PPP1R37: variants seen among roughly 807,000 people sequenced by gnomAD.
The protein encoded by PPP1R37 is protein phosphatase 1 regulatory subunit 37, also known as leucine rich repeat containing 68.
PPP1R37 carries 21 observed loss-of-function variants against 61.0 expected under a neutral mutation model. That is an observed-to-expected ratio of 0.34 (90% CI 0.24 to 0.50). PPP1R37 has a LOEUF of 0.50. PPP1R37 is among the 20% of genes least tolerant of loss of function. The pLI is 0.98. For missense variants in PPP1R37, 910 were observed against 952.7 expected (o/e 0.96, Z 0.59); for synonymous variants, 443 against 433.5 (o/e 1.02, Z -0.27).
At chr19:45,106,401 C>A (rs1178577783) in intron 1 of PPP1R37, among the ~76,000 whole-genome samples, 1 of 152,088 alleles carries the variant, frequency 6.6e-6, no homozygotes, top group Non-Finnish European at 1.5e-5. Context: ...GCCACCATGC[C>A]CAGCTAATTT....
chr19:45,104,403 C>T (rs930893041), intron 1 of PPP1R37, among the ~76,000 whole-genome samples: 3 of 152,182 alleles, frequency 2.0e-5, no homozygotes, highest in Non-Finnish European at 2.9e-5. Flanking sequence ...TGCCGCAAAG[C>T]CTTTGTAACC....
Position 45,130,940 on chromosome 19 carries a change from A to T in PPP1R37, c.203-7574A>T, listed in dbSNP as rs1360667025. 6.6e-6 allele frequency among the ~76,000 whole-genome samples: 1 copy of T among 151,332 alleles called. No homozygotes were observed. The highest frequency in any genetic ancestry group is 2.4e-5 in the African/African-American group (1 of 41,146). On this transcript the variant is annotated intron_variant, in intron 1 of 12. Transcript: ENST00000221462. This position sits in a 1 kb window ranked among gnomAD's most constrained non-coding sequence, Gnocchi z 4.4. ...CCTCCCACTGTGTCCCCCAGCCCGC[A>T]CAGTGTTGCTTCCTGGTGTTTTGAC... is the stretch of plus-strand genomic sequence containing the variant.
At position 45,111,859 on chromosome 19, in the gene PPP1R37, T is replaced by C. The variant is rs539238848; in HGVS notation, c.202+18332T>C. 6.6e-5 allele frequency among the ~76,000 whole-genome samples: 10 copies of C among 152,228 alleles called. No individual in the cohort carries two copies. In the South Asian group the frequency reaches 2.1e-3, roughly 32 times the overall value. On this transcript the variant is annotated intron_variant, in intron 1 of 12. Coordinates refer to ENST00000221462, the MANE Select transcript of PPP1R37 (RefSeq NM_019121.2). Reference sequence around the variant, plus strand: ...GTCATCAGGTGGCCTTTTTAAAAGTTTTATCAACCATGTCTGCATGCTGAA... The same window carrying C: ...GTCATCAGGTGGCCTTTTTAAAAGTCTTATCAACCATGTCTGCATGCTGAA...
At chr19:45,128,613 G>A (rs758662738) in intron 1 of PPP1R37, 3 of 1,264,522 alleles carry the variant, frequency 2.4e-6, no homozygotes, top group South Asian at 2.4e-5. Context: ...AGGGGCCTCG[G>A]CCTCCTTCCC....
chr19:45,097,539 C>T (rs978626236), intron 1 of PPP1R37, among the ~76,000 whole-genome samples: 1 of 151,740 alleles, frequency 6.6e-6, no homozygotes, highest in South Asian at 2.1e-4. Flanking sequence ...TGAGGGTGAG[C>T]GCTCCCTCAG....
chr19:45,105,147 G>C (rs368119389), intron 1 of PPP1R37, among the ~76,000 whole-genome samples: 5 of 152,178 alleles, frequency 3.3e-5, no homozygotes, highest in Non-Finnish European at 7.4e-5. Context: ...GGCATGCAAT[G>C]CTGGGTCTTA....
At chr19:45,104,203 C>A (rs1157428059) in intron 1 of PPP1R37, among the ~76,000 whole-genome samples, 3 of 152,214 alleles carry the variant, frequency 2.0e-5, no homozygotes. Context: ...CTGCTCCGCT[C>A]GTCTGGGTTC....
chr19:45,145,903 G>C lies in PPP1R37; in HGVS notation c.1847G>C (p.Gly616Ala). The change falls in exon 11 of 13, where the codon GGG (glycine) becomes GCG (alanine). Residue 616 changes from glycine (G) to alanine (A), a missense_variant. Around this residue, in one of 3 missense-constraint regions of PPP1R37, gnomAD observed 549 missense variants for 505.1 expected, o/e 1.09. Coordinates refer to ENST00000221462, the MANE Select transcript of PPP1R37 (RefSeq NM_019121.2). Reference sequence around the variant, plus strand: ...GGGGCCATTGACACCCGGGACACAGGGTCCTCTGAGCCTCAGCCACCACCG... The same window carrying C: ...GGGGCCATTGACACCCGGGACACAGCGTCCTCTGAGCCTCAGCCACCACCG... ...PAGAIDTRDT[G>A]SSEPQPPPEP... 1 of 1,530,906 alleles carries C rather than the reference G, an allele frequency of 6.5e-7. No homozygotes were observed. The highest frequency in any genetic ancestry group is 8.7e-7 in the Non-Finnish European group (1 of 1,144,686). The allele number at this position is 1,530,906 out of a possible 1,614,324, so 94.8% of individuals were successfully genotyped here. A position where few individuals can be genotyped will look rare whatever the true frequency, so the allele number is the denominator to read the frequency against.
chr19:45,100,595 C>G (rs1243754532), intron 1 of PPP1R37, among the ~76,000 whole-genome samples: 1 of 152,204 alleles, frequency 6.6e-6, no homozygotes, highest in African/African-American at 2.4e-5. Context: ...ATCCAGGCAG[C>G]CAGCCTGGCG....
intron 1 of PPP1R37, among the ~76,000 whole-genome samples, chr19:45,131,024 G>T (rs1968470115): frequency 6.6e-6 from 1 of 152,200 alleles, no homozygotes; most frequent in African/African-American, 2.4e-5. Context: ...CACGGATGGT[G>T]TGAGTCATCA....
chr19:45,142,757 AAAAG>A (rs1968630745), intron 7 of PPP1R37: 1 of 390,682 alleles, frequency 2.6e-6, no homozygotes. Context: ...TTACAATCTG[AAAAG>A]AAAGCAGTGT....
intron 7 of PPP1R37, chr19:45,142,745 A>G: frequency 2.3e-6 from 1 of 442,944 alleles, no homozygotes; most frequent in Non-Finnish European, 4.1e-6. Context: ...CGAAGTGAAT[A>G]ATTACAATCT....
Position 45,146,876 on chromosome 19 carries a change from C to T in PPP1R37, c.*314C>T. On this transcript the variant is annotated 3_prime_UTR_variant, in exon 13 of 13. Coordinates refer to ENST00000221462, the MANE Select transcript of PPP1R37 (RefSeq NM_019121.2). ...GCCTGTTCTGGAGGGGCCAGGCTTG[C>T]CCTGCGGAGGGCAGGCGTCCTGGGT... 5.4e-6 allele frequency: 1 copy of T among 184,676 alleles called. No individual in the cohort carries two copies. The highest frequency in any genetic ancestry group is 1.1e-5 in the Non-Finnish European group (1 of 87,042). 11.4% of individuals were successfully genotyped at this position (184,676 alleles called of 1,614,324 possible).
intron 1 of PPP1R37, among the ~76,000 whole-genome samples, chr19:45,102,660 G>A (rs532802839): frequency 2.0e-5 from 3 of 152,200 alleles, no homozygotes; most frequent in Non-Finnish European, 4.4e-5. Context: ...CCACACTTGG[G>A]CTGTGTGGCC....
At position 45,141,379 on chromosome 19, in the gene PPP1R37, A is replaced by G; in HGVS notation, c.505A>G (p.Ile169Val). 6.5e-7 allele frequency: 1 copy of G among 1,535,144 alleles called. No homozygotes were observed. Among genetic ancestry groups the G allele is most frequent in the Non-Finnish European group, 8.7e-7 (1 of 1,146,536 alleles). The stretch of plus-strand genomic sequence containing the variant: ...CTACGAGTCGGCCACCCACCTCAAC[A>G]TCTCCTTCAACAAGCACATCGGCAC... ...EYYESATHLN[I>V]SFNKHIGTRG... The change falls in exon 5 of 13, where the codon ATC becomes GTC. Residue 169 changes from isoleucine (I) to valine (V), a missense_variant. Physicochemically the swap from Ile to Val is conservative, Grantham distance 29 (BLOSUM62 3). Transcript: ENST00000221462.
chr19:45,104,433 C>G (rs1282610131), intron 1 of PPP1R37, among the ~76,000 whole-genome samples: 1 of 152,200 alleles, frequency 6.6e-6, no homozygotes, highest in Non-Finnish European at 1.5e-5. Flanking sequence ...GGGCTCAGGA[C>G]AGTCAGGGAG....
In PPP1R37 at chr19:45,144,913, T is replaced by C; in HGVS notation, c.1047T>C (p.Gly349=). The change falls in exon 9 of 13, where the codon GGT becomes GGC. Residue 349 remains glycine (G), a synonymous_variant. Coordinates refer to ENST00000221462, the MANE Select transcript of PPP1R37 (RefSeq NM_019121.2). Reference sequence around the variant, plus strand: ...GCCACAACCCCATCGGGAACGAGGGTGTGCGGCACCTCAAGAACGGGCTCA... The same window carrying C: ...GCCACAACCCCATCGGGAACGAGGGCGTGCGGCACCTCAAGAACGGGCTCA... The part of the protein sequence containing the change: ...NLGHNPIGNE[G]VRHLKNGLIS... 1.3e-6 allele frequency: 2 copies of C among 1,535,546 alleles called. No homozygotes were observed. The highest frequency in any genetic ancestry group is 8.7e-7 in the Non-Finnish European group (1 of 1,146,666).
At position 45,144,923 on chromosome 19, in the gene PPP1R37, C is replaced by T. The variant is rs1968665873; in HGVS notation, c.1057C>T (p.Leu353Phe). The T allele has an allele frequency of 6.5e-7, 1 of 1,535,748 alleles. No homozygotes were observed. Among genetic ancestry groups the T allele is most frequent in the East Asian group, 2.4e-5 (1 of 40,898 alleles). The change falls in exon 9 of 13, where the codon CTC becomes TTC. Residue 353 changes from leucine to phenylalanine, a missense_variant. Physicochemically the swap from Leu to Phe is conservative, Grantham distance 22. Transcript: ENST00000221462. ...NPIGNEGVRH[L>F]KNGLISNRSV... is the part of the protein sequence containing the mutation. ...CATCGGGAACGAGGGTGTGCGGCAC[C>T]TCAAGAACGGGCTCATCAGCAACCG... is the stretch of plus-strand genomic sequence containing the variant.
chr19:45,097,652 C>T (rs1968009933), intron 1 of PPP1R37, among the ~76,000 whole-genome samples: 1 of 151,976 alleles, frequency 6.6e-6, no homozygotes, highest in African/African-American at 2.4e-5. Flanking sequence ...TATCCGGATT[C>T]CCATCTCCCA....
Sources: allele counts gnomAD v4.1 joint callset (sites outside exome capture counted in the v4.1 genomes callset), GRCh38; gene constraint gnomAD v4.1.1; regional missense constraint gnomAD v4.1.1; non-coding constraint Gnocchi (gnomAD v3.1); transcripts MANE v1.5; gene names NCBI Gene and HGNC (gene_info 2026-07-23, HGNC 2026-07-21).